Variants in G6PC1 observed in about 807,000 individuals in gnomAD.
G6PC1 encodes glucose-6-phosphatase catalytic subunit 1.
Under a neutral mutation model 30.4 loss-of-function variants are expected in G6PC1, and 23 were observed. That is an observed-to-expected ratio of 0.76 (90% CI 0.55 to 1.07). G6PC1 has a LOEUF of 1.07. G6PC1 is among the 50% of genes least tolerant of loss of function. The pLI is 0.00. For synonymous variants in G6PC1, 163 were observed against 175.6 expected, an observed-to-expected ratio of 0.93 and a Z score of 0.57; for missense variants, 391 against 433.9, an observed-to-expected ratio of 0.90 and a Z score of 0.88.
chr17:42,911,208 G>A lies in G6PC1; in HGVS notation c.856G>A (p.Gly286Arg), dbSNP rs534670926. ...CAGCATGTACAGGGAGAGCTGCAAG[G>A]GGAAACTCAGCAAGTGGCTCCCATT... ...NSSMYRESCKGKLSKWLPFRL... is the reference protein window; with the variant it reads ...NSSMYRESCKRKLSKWLPFRL... Residue 286 changes from glycine (G) to arginine (R), a missense_variant, in exon 5 of 5, where the codon GGG (glycine) becomes AGG (arginine). By Grantham distance (125) the Gly-to-Arg change is moderately radical. Transcript: ENST00000253801. The A allele has an allele frequency of 1.2e-6, 2 of 1,614,164 alleles. No homozygotes were observed. The highest frequency in any genetic ancestry group is 1.7e-5 in the Admixed American group (1 of 60,028).
intron 2 of G6PC1, 60 bp from the exon 3 acceptor site, chr17:42,907,463 G>A: frequency 8.6e-7 from 1 of 1,159,480 alleles, no homozygotes; most frequent in Non-Finnish European, 1.3e-6. Flanking sequence ...GGTAGATGAT[G>A]CACTGTCTCC....
At chr17:42,904,390 G>C (rs987193893) in intron 2 of G6PC1, among the ~76,000 whole-genome samples, 1 of 152,196 alleles carries the variant, frequency 6.6e-6, no homozygotes, top group Non-Finnish European at 1.5e-5. Flanking sequence ...GTGCCCTCCT[G>C]AGCTGACCGT....
chr17:42,903,072 A>T (rs2056036843), intron 1 of G6PC1, among the ~76,000 whole-genome samples: 1 of 144,722 alleles, frequency 6.9e-6, no homozygotes, highest in African/African-American at 2.6e-5. Context: ...CATTTTATGG[A>T]TTTCAGGATT....
At chr17:42,903,139 T>C (rs950191043) in intron 1 of G6PC1, among the ~76,000 whole-genome samples, 5 of 149,806 alleles carry the variant, frequency 3.3e-5, no homozygotes, top group African/African-American at 1.2e-4. Flanking sequence ...TGTAGTGCAG[T>C]GGCATAATCT....
intron 3 of G6PC1, 49 bp from the exon 4 acceptor site, chr17:42,909,254 C>G: frequency 7.3e-7 from 1 of 1,363,394 alleles, no homozygotes; most frequent in Non-Finnish European, 1.1e-6. Context: ...GTTTTCTTTG[C>G]TGAAGGATCT....
At chr17:42,906,717 A>T (rs1346733150) in intron 2 of G6PC1, among the ~76,000 whole-genome samples, 1 of 151,962 alleles carries the variant, frequency 6.6e-6, no homozygotes, top group African/African-American at 2.4e-5. Context: ...AACAAACAAA[A>T]CACATTTAAA....
chr17:42,904,106 G>T (rs1650962423), intron 2 of G6PC1, 66 bp downstream of exon 2: 1 of 1,037,254 alleles, frequency 9.6e-7, no homozygotes, highest in Non-Finnish European at 1.5e-6. Context: ...GGATGAAACT[G>T]ACCTTGAGGG....
intron 1 of G6PC1, among the ~76,000 whole-genome samples, chr17:42,902,884 G>T (rs911113274): frequency 2.0e-5 from 3 of 151,374 alleles, no homozygotes; most frequent in African/African-American, 7.3e-5. Flanking sequence ...ATGTTTCCCT[G>T]GGGGGGGCTC....
At chr17:42,902,934 A>C (rs1036810239) in intron 1 of G6PC1, among the ~76,000 whole-genome samples, 1 of 152,078 alleles carries the variant, frequency 6.6e-6, no homozygotes, top group African/African-American at 2.4e-5. Context: ...GTCAGAGGAA[A>C]TGCAAGATTC....
In G6PC1 at chr17:42,911,697, T is replaced by C; in HGVS notation, c.*271T>C. 1 of 509,832 alleles carries C rather than the reference T, an allele frequency of 2.0e-6. No homozygotes were observed. The allele number at this position is 509,832 out of a possible 1,614,324, so 31.6% of individuals were successfully genotyped here. On this transcript the variant is annotated 3_prime_UTR_variant, in exon 5 of 5. Transcript: ENST00000253801. ...TCCCGCCAGGAGGTCCTCCTCTCTC[T>C]ACTTGAATACTCTCACAAGTAGGGA...
At position 42,900,918 on chromosome 17, in the gene G6PC1, G is replaced by A. The variant is rs763922040; in HGVS notation, c.42G>A (p.Gln14=). The change falls in exon 1 of 5, where the codon CAG becomes CAA. Residue 14 remains glutamine, a synonymous_variant. Coordinates refer to ENST00000253801, the MANE Select transcript of G6PC1 (RefSeq NM_000151.4). ...GMNVLHDFGI[Q]STHYLQVNYQ... is the part of the protein sequence containing the mutation. ...ATGTTCTCCATGACTTTGGGATCCAGTCAACACATTACCTCCAGGTGAATT... is the reference window on the plus strand; with the variant it reads ...ATGTTCTCCATGACTTTGGGATCCAATCAACACATTACCTCCAGGTGAATT... The A allele has an allele frequency of 6.2e-7, 1 of 1,614,178 alleles. No homozygotes were observed. Among genetic ancestry groups the A allele is most frequent in the Non-Finnish European group, 8.5e-7 (1 of 1,180,030 alleles).
rs146684805 is a variant in G6PC1 at position 42,910,824 on chromosome 17, C to T, written c.563-91C>T. ...GTGATTTAATTCCACAGTCGCAGAA[C>T]GGATGGCATGTCACCCACTCCTCCA... On this transcript the variant is annotated intron_variant, in intron 4 of 4. Coordinates refer to ENST00000253801, the MANE Select transcript of G6PC1 (RefSeq NM_000151.4). 4.7e-3 allele frequency: 5,782 copies of T among 1,223,704 alleles called. 26 individuals are homozygous for T. The highest frequency in any genetic ancestry group is 6.2e-3 in the Non-Finnish European group (5,143 of 832,370). The allele number at this position is 1,223,704 out of a possible 1,614,324, so 75.8% of individuals were successfully genotyped here.
chr17:42,909,501 C>A, intron 4 of G6PC1, 83 bp downstream of exon 4: 1 of 976,396 alleles, frequency 1.0e-6, no homozygotes, highest in Non-Finnish European at 1.7e-6. Flanking sequence ...CCCAGCATTC[C>A]AGCCACATCC....
intron 2 of G6PC1, 43 bp from the exon 3 acceptor site, chr17:42,907,480 A>C (rs1211808193): frequency 7.3e-7 from 1 of 1,379,012 alleles, no homozygotes; most frequent in Admixed American, 1.7e-5. Context: ...CTCCCAGATG[A>C]GGACCTTTTC....
chr17:42,905,506 C>CAA (rs555446125), intron 2 of G6PC1, among the ~76,000 whole-genome samples: 122 of 66,516 alleles, frequency 1.8e-3, no homozygotes, highest in African/African-American at 5.1e-3. Flanking sequence ...TGTTTATAGG[C>CAA]AAAAAAAAAA....
At chr17:42,908,006 C>T (rs1245225598) in intron 3 of G6PC1, among the ~76,000 whole-genome samples, 1 of 152,162 alleles carries the variant, frequency 6.6e-6, no homozygotes, top group Admixed American at 6.5e-5. Flanking sequence ...CAGAGAATTC[C>T]GGGTGTGCAG....
chr17:42,912,244 T>C lies in G6PC1; in HGVS notation c.*818T>C, dbSNP rs1364775057. ...ATTCTGCTTCTAGTATTTTTTTTAC[T>C]GTGCATACATGTTCATCGTATTTCC... On this transcript the variant is annotated 3_prime_UTR_variant, in exon 5 of 5. Coordinates refer to ENST00000253801, the MANE Select transcript of G6PC1 (RefSeq NM_000151.4). 2.0e-5 allele frequency: 3 copies of C among 152,292 alleles called. No individual in the cohort carries two copies. The East Asian group carries it at 5.8e-4, about 29-fold the overall frequency. The allele number at this position is 152,292 out of a possible 1,614,324, so 9.4% of individuals were successfully genotyped here.
intron 2 of G6PC1, 81 bp from the exon 3 acceptor site, chr17:42,907,442 C>A: frequency 3.3e-6 from 3 of 900,004 alleles, no homozygotes; most frequent in Non-Finnish European, 5.5e-6. Context: ...AGGGGGATGG[C>A]TGGGTGGCTG....
intron 2 of G6PC1, among the ~76,000 whole-genome samples, chr17:42,905,429 A>ATAT (rs1555559450): frequency 9.9e-5 from 12 of 120,860 alleles, no homozygotes; most frequent in South Asian, 4.9e-4. Context: ...AAAAAAAAAA[A>ATAT]ATATATATAT....
Sources: allele counts gnomAD v4.1 joint callset (sites outside exome capture counted in the v4.1 genomes callset), GRCh38; gene constraint gnomAD v4.1.1; transcripts MANE v1.5; gene names NCBI Gene and HGNC (gene_info 2026-07-23, HGNC 2026-07-21).